RBFOX1: variants seen among roughly 807,000 people sequenced by gnomAD.
RBFOX1 encodes RNA binding fox-1 homolog 1.
Under a neutral mutation model 57.7 loss-of-function variants are expected in RBFOX1, and 8 were observed. The observed-to-expected ratio is 0.14, with a 90% CI of 0.08 to 0.25. The LOEUF is 0.25. Ranked by LOEUF, RBFOX1 falls within the 10% of genes least tolerant of loss-of-function variation. The pLI is 1.00. For missense variants in RBFOX1, 611 were observed against 548.5 expected, an observed-to-expected ratio of 1.11 and a Z score of -1.14; for synonymous variants, 326 against 222.4, an observed-to-expected ratio of 1.47 and a Z score of -4.15.
At chr16:6,748,219 C>T (rs1031545215) in intron 3 of RBFOX1, among the ~76,000 whole-genome samples, 1 of 152,080 alleles carries the variant, frequency 6.6e-6, no homozygotes, top group Non-Finnish European at 1.5e-5. Flanking sequence ...CAGTACCATG[C>T]TGTGCATAAA....
intron 1 of RBFOX1, among the ~76,000 whole-genome samples, chr16:6,268,057 G>C (rs1424232393): frequency 6.6e-6 from 1 of 152,076 alleles, no homozygotes; most frequent in Non-Finnish European, 1.5e-5. Context: ...CTTCACTCTT[G>C]GGCTGAATGT....
intron 2 of RBFOX1, among the ~76,000 whole-genome samples, chr16:5,595,246 C>T (rs919129986): frequency 6.6e-6 from 1 of 152,188 alleles, no homozygotes; most frequent in African/African-American, 2.4e-5. Context: ...TCTAATGCCA[C>T]CTCTGGGAGC....
Position 7,414,466 on chromosome 16 carries a change from G to C in RBFOX1, c.28-103681G>C, listed in dbSNP as rs921989196. Among the ~76,000 whole-genome samples, 14 of 152,316 alleles carry C rather than the reference G, an allele frequency of 9.2e-5. No homozygotes were observed. In the South Asian group the frequency reaches 2.3e-3, roughly 25 times the overall value. ...TAAAATGTGATTCTTTCTAATGTGA[G>C]CCACAGAATTTAACACAGATCTGTA... On this transcript the variant is annotated intron_variant, in intron 4 of 15. Coordinates refer to ENST00000550418, the MANE Select transcript of RBFOX1 (RefSeq NM_018723.4).
intron 2 of RBFOX1, among the ~76,000 whole-genome samples, chr16:5,558,026 C>T (rs9935305): frequency 0.053 from 8,105 of 152,154 alleles, 599 homozygotes; most frequent in African/African-American, 0.16. Context: ...GGCCCAACTC[C>T]GGGGGAGGAC....
At chr16:6,261,909 A>G (rs1186683955) in intron 1 of RBFOX1, among the ~76,000 whole-genome samples, 2 of 152,118 alleles carry the variant, frequency 1.3e-5, no homozygotes, top group East Asian at 3.9e-4. Context: ...ACACATCGAT[A>G]ATCCCAGATA....
intron 4 of RBFOX1, among the ~76,000 whole-genome samples, chr16:7,294,941 G>T (rs1201748608): frequency 6.6e-6 from 1 of 152,068 alleles, no homozygotes; most frequent in African/African-American, 2.4e-5. Context: ...TACTTCTTGT[G>T]CCCTCAGTTT....
chr16:5,464,492 G>C (rs1282759612), intron 1 of RBFOX1, among the ~76,000 whole-genome samples: 1 of 152,240 alleles, frequency 6.6e-6, no homozygotes, highest in Non-Finnish European at 1.5e-5. Context: ...CTCTCTGGGT[G>C]GGCAGGGAAC....
intron 14 of RBFOX1, among the ~76,000 whole-genome samples, chr16:7,705,517 T>A (rs955439437): frequency 7.2e-5 from 11 of 152,036 alleles, no homozygotes; most frequent in African/African-American, 2.7e-4. Flanking sequence ...AAATATTAAA[T>A]TTTTTAAAAA....
intron 4 of RBFOX1, among the ~76,000 whole-genome samples, chr16:5,900,308 C>T (rs2058275628): frequency 6.6e-6 from 1 of 152,100 alleles, no homozygotes; most frequent in African/African-American, 2.4e-5. Context: ...CTCATTGATT[C>T]ATGAATGCCT....
At chr16:5,499,985 C>G (rs1346881167) in intron 2 of RBFOX1, among the ~76,000 whole-genome samples, 3 of 152,164 alleles carry the variant, frequency 2.0e-5, no homozygotes, top group Non-Finnish European at 2.9e-5. Flanking sequence ...GCATTTCACT[C>G]TTTCTCTCTT....
intron 4 of RBFOX1, among the ~76,000 whole-genome samples, chr16:7,324,775 C>G (rs2096590104): frequency 6.6e-6 from 1 of 152,178 alleles, no homozygotes; most frequent in Non-Finnish European, 1.5e-5. Context: ...ATCTCCATAA[C>G]CATTTTTAGA....
intron 1 of RBFOX1, among the ~76,000 whole-genome samples, chr16:5,454,570 T>C (rs1218318085): frequency 6.6e-6 from 1 of 152,164 alleles, no homozygotes; most frequent in African/African-American, 2.4e-5. Flanking sequence ...GAAGAAAAGA[T>C]TGACCTCCTT....
intron 2 of RBFOX1, among the ~76,000 whole-genome samples, chr16:6,348,145 C>T (rs1301668612): frequency 6.6e-6 from 1 of 152,054 alleles, no homozygotes; most frequent in African/African-American, 2.4e-5. Context: ...GGTCTTTGCT[C>T]TTGGTTTTGA....
At chr16:6,226,390 A>AAAAC (rs386384125) in intron 1 of RBFOX1, among the ~76,000 whole-genome samples, 7 of 150,968 alleles carry the variant, frequency 4.6e-5, no homozygotes, top group African/African-American at 1.5e-4. Flanking sequence ...AAAAAAAAAA[A>AAAAC]ACAAAAAAAT....
chr16:6,562,880 C>CTTTCTTTCT (rs746999419), intron 2 of RBFOX1, among the ~76,000 whole-genome samples: 74 of 51,760 alleles, frequency 1.4e-3, no homozygotes, highest in South Asian at 2.7e-3. Flanking sequence ...TTCTTTCTTT[C>CTTTCTTTCT]TTTTTTTTTT....
chr16:7,149,345 A>C (rs764029127), intron 4 of RBFOX1, among the ~76,000 whole-genome samples: 1 of 152,042 alleles, frequency 6.6e-6, no homozygotes, highest in Non-Finnish European at 1.5e-5. Context: ...TCTTGGTTTT[A>C]TCTCTCAATA....
Position 7,548,426 on chromosome 16 carries a change from G to A in RBFOX1, c.270+30037G>A, listed in dbSNP as rs537135368. ...CCGGCTGCGCCACCCAAAGTGCTGG[G>A]ATTACAGGTATGAGCCACTGCGCCT... On this transcript the variant is annotated intron_variant, in intron 5 of 15. Transcript: ENST00000550418. Among the ~76,000 whole-genome samples, 23 of 152,306 alleles carry A rather than the reference G, an allele frequency of 1.5e-4. No homozygotes were observed. In the South Asian group the frequency reaches 3.3e-3, roughly 22 times the overall value.
chr16:6,751,861 A>G (rs2074989350), intron 3 of RBFOX1, among the ~76,000 whole-genome samples: 3 of 152,196 alleles, frequency 2.0e-5, no homozygotes, highest in Admixed American at 2.0e-4. Context: ...GACTTACATA[A>G]TTGAATTTTA....
chr16:6,795,506 G>A (rs141817274), intron 3 of RBFOX1, among the ~76,000 whole-genome samples: 8 of 152,124 alleles, frequency 5.3e-5, no homozygotes, highest in South Asian at 4.1e-4. Context: ...GTTGGCTCAC[G>A]TCTGTAATCC....
Sources: gnomAD v4.1 joint callset for allele counts (sites outside exome capture counted in the v4.1 genomes callset) on GRCh38, gnomAD v4.1.1 for gene constraint, MANE v1.5 for transcripts, NCBI Gene and HGNC (gene_info 2026-07-23, HGNC 2026-07-21) for gene names.